The following HEATR4 variants were observed in gnomAD, a reference collection of about 807,000 sequenced individuals.
The protein encoded by HEATR4 is HEAT repeat containing 4.
HEATR4 carries 95 observed loss-of-function variants against 108.8 expected under a neutral mutation model. That is an observed-to-expected ratio of 0.87 (90% CI 0.74 to 1.04). The LOEUF (loss-of-function observed/expected upper bound fraction) is 1.04. Ranked by LOEUF, HEATR4 falls within the 50% of genes least tolerant of loss-of-function variation. The pLI, the probability that HEATR4 is intolerant of heterozygous loss-of-function variation, is 0.00. For missense variants in HEATR4, 1,152 were observed against 1,253.8 expected, an observed-to-expected ratio of 0.92 and a Z score of 1.23; for synonymous variants, 443 against 459.4, an observed-to-expected ratio of 0.96 and a Z score of 0.46.
At chr14:73,592,312 G>A in the HEATR4 span, 1 of 1,610,924 alleles carries the variant, frequency 6.2e-7, no homozygotes, top group Non-Finnish European at 8.5e-7. Context: ...GAGCCTGGAC[G>A]GCTGCTGTGC....
chr14:73,627,534 C>T, the HEATR4 span, among the ~76,000 whole-genome samples: 6 of 152,224 alleles, frequency 3.9e-5, no homozygotes, highest in East Asian at 1.9e-4. Flanking sequence ...CACTTACTTC[C>T]ACTTACTGGT....
At chr14:73,632,680 C>A in the HEATR4 span, among the ~76,000 whole-genome samples, 5 of 151,716 alleles carry the variant, frequency 3.3e-5, no homozygotes, top group African/African-American at 9.7e-5. Context: ...CCCATCTCTA[C>A]TAAAAATACA....
the HEATR4 span, chr14:73,617,216 T>C: frequency 1.2e-6 from 2 of 1,614,100 alleles, no homozygotes; most frequent in South Asian, 2.2e-5. Context: ...ATCACCTGAG[T>C]GCAGAAGAGA....
chr14:73,540,885 G>A (rs1217911563), intron 1 of HEATR4, among the ~76,000 whole-genome samples: 1 of 112,370 alleles, frequency 8.9e-6, no homozygotes, highest in African/African-American at 3.0e-5. Context: ...GGGATTACAG[G>A]TGGCCGCCAC....
rs755089726 is a variant in HEATR4 at position 73,492,857 on chromosome 14, G to T, written c.2844+209C>A. On this transcript the variant is annotated intron_variant, in intron 17 of 17. Coordinates refer to ENST00000553558, the MANE Select transcript of HEATR4 (RefSeq NM_001220484.1). This position sits in a 1 kb window ranked among gnomAD's most constrained non-coding sequence, Gnocchi z 4.9. ...TGTGAGAGTGGGGGACCTGCCCTGT[G>T]ACAGTGTGGAGGACCAGCTGTCCTT... 3.7e-6 allele frequency: 6 copies of T among 1,613,960 alleles called. No individual in the cohort carries two copies. The highest frequency in any genetic ancestry group is 5.1e-6 in the Non-Finnish European group (6 of 1,179,874).
At position 73,492,779 on chromosome 14, in the gene HEATR4, T is replaced by G; in HGVS notation, c.2844+287A>C. The G allele has an allele frequency of 1.2e-6, 2 of 1,613,936 alleles. No individual in the cohort carries two copies. The highest frequency in any genetic ancestry group is 1.7e-6 in the Non-Finnish European group (2 of 1,179,874). ...GGAAGAACCCAAGTGCTTGGAAATA[T>G]ACCCCCAGCAAGCTGATGCCATGGA... On this transcript the variant is annotated intron_variant, in intron 17 of 17. Transcript: ENST00000553558. This position sits in a 1 kb window ranked among gnomAD's most constrained non-coding sequence, Gnocchi z 4.9.
chr14:73,512,319 T>C (rs1211497926), intron 6 of HEATR4, among the ~76,000 whole-genome samples, 170 bp from the exon 7 acceptor site: 1 of 152,228 alleles, frequency 6.6e-6, no homozygotes, highest in African/African-American at 2.4e-5. Context: ...ATTTCTCTGA[T>C]GATCCATGTA....
the HEATR4 span, among the ~76,000 whole-genome samples, chr14:73,572,309 A>G: frequency 1.2e-3 from 182 of 151,730 alleles, no homozygotes; most frequent in Non-Finnish European, 2.0e-3. Flanking sequence ...CTACAGCTAC[A>G]AGAATCAACA....
At chr14:73,632,817 C>T in the HEATR4 span, among the ~76,000 whole-genome samples, 4 of 137,794 alleles carry the variant, frequency 2.9e-5, no homozygotes, top group African/African-American at 1.1e-4. Context: ...GCACTCCAGC[C>T]TGGGTGACAG....
Position 73,522,867 on chromosome 14 carries a change from G to T in HEATR4, c.286C>A (p.Leu96Ile), listed in dbSNP as rs750913778. 3 of 1,614,198 alleles carry T rather than the reference G, an allele frequency of 1.9e-6. No homozygotes were observed. The highest frequency in any genetic ancestry group is 2.5e-6 in the Non-Finnish European group (3 of 1,180,036). ...IPYSQYSFDHLYNTNDIIHTP... is the reference protein window; with the variant it reads ...IPYSQYSFDHIYNTNDIIHTP... ...TGGATGATGTCATTGGTATTGTAGA[G>T]GTGGTCAAAGCTGTACTGGCTATAA... Residue 96 changes from leucine to isoleucine, a missense_variant, in exon 3 of 18, where the codon CTC (leucine) becomes ATC (isoleucine). Physicochemically the swap from Leu to Ile is conservative, Grantham distance 5 (BLOSUM62 2). Transcript: ENST00000553558.
Position 73,530,923 on chromosome 14 carries a change from G to A in HEATR4, c.-151-679C>T, listed in dbSNP as rs1283136033. 2.0e-5 allele frequency: 2 copies of A among 100,506 alleles called. 1 individual carries two copies. The highest frequency in any genetic ancestry group is 1.7e-3 in the East Asian group (2 of 1,200). 6.2% of individuals were successfully genotyped at this position (100,506 alleles called of 1,614,324 possible). A position where few individuals can be genotyped will look rare whatever the true frequency, so the allele number is the denominator to read the frequency against. On this transcript the variant is annotated intron_variant, in intron 1 of 17. Coordinates refer to ENST00000553558, the MANE Select transcript of HEATR4 (RefSeq NM_001220484.1). ...CAAAATGCTAGGAATACAGGCATGAGCCACTGCACCAGGCCTAATGTCCTG... is the reference window on the plus strand; with the variant it reads ...CAAAATGCTAGGAATACAGGCATGAACCACTGCACCAGGCCTAATGTCCTG...
the HEATR4 span, chr14:73,569,914 C>T: frequency 2.5e-6 from 4 of 1,586,924 alleles, no homozygotes; most frequent in Non-Finnish European, 3.4e-6. Flanking sequence ...GTTCCGTGTT[C>T]GTTCGCCTTT....
rs747777053 is a variant in HEATR4, at chr14:73,500,699, G to A, written c.2137C>T (p.Arg713Cys). 8.7e-6 allele frequency: 14 copies of A among 1,613,824 alleles called. No individual in the cohort carries two copies. Among genetic ancestry groups the A allele is most frequent in the South Asian group, 2.2e-5 (2 of 91,076 alleles). ...VKLGQGNSQE[R>C]VEALYLIGEL... is the part of the protein sequence containing the mutation. ...CCTATCAGGTAGAGAGCTTCCACACGCTCCTGGGAATTTCCTTGACCTAGC... is the reference window on the plus strand; with the variant it reads ...CCTATCAGGTAGAGAGCTTCCACACACTCCTGGGAATTTCCTTGACCTAGC... The change falls in exon 12 of 18, where the codon CGT becomes TGT. Residue 713 changes from arginine to cysteine, a missense_variant. Arg to Cys is a radical substitution (Grantham distance 180, BLOSUM62 -3). Transcript: ENST00000553558.
At position 73,509,858 on chromosome 14, in the gene HEATR4, A is replaced by T. The variant is rs192663178; in HGVS notation, c.1559-385T>A. ...TATATATATATATATATATATATAT[A>T]TATATATATATTTATTTATTTTATA... On this transcript the variant is annotated intron_variant, in intron 7 of 17. Coordinates refer to ENST00000553558, the MANE Select transcript of HEATR4 (RefSeq NM_001220484.1). Among the ~76,000 whole-genome samples, 64 of 59,170 alleles carry T rather than the reference A, an allele frequency of 1.1e-3. 2 individuals carry two copies. The highest frequency in any genetic ancestry group is 4.5e-3 in the African/African-American group (55 of 12,278). 38.8% of individuals were successfully genotyped at this position (59,170 alleles called of 152,430 possible).
At chr14:73,620,812 C>T in the HEATR4 span, among the ~76,000 whole-genome samples, 4 of 151,584 alleles carry the variant, frequency 2.6e-5, no homozygotes, top group African/African-American at 4.8e-5. Context: ...AGGTGATCCA[C>T]CCACCTCAGC....
the HEATR4 span, among the ~76,000 whole-genome samples, chr14:73,566,496 G>A: frequency 6.6e-6 from 1 of 152,164 alleles, no homozygotes; most frequent in African/African-American, 2.4e-5. Context: ...GGCAGCTAAG[G>A]CCCAGCGAGA....
intron 1 of HEATR4, among the ~76,000 whole-genome samples, chr14:73,548,251 G>A (rs1199488232): frequency 8.6e-6 from 1 of 116,000 alleles, no homozygotes; most frequent in African/African-American, 2.8e-5. Flanking sequence ...GTGATAAAGA[G>A]AGTGAGTTTT....
intron 2 of HEATR4, among the ~76,000 whole-genome samples, chr14:73,524,293 CA>C (rs1160344592): frequency 0.034 from 1,928 of 56,560 alleles, 70 homozygotes; most frequent in East Asian, 0.19. Context: ...AACTCCGTCT[CA>C]AAAAAAAAAA....
In HEATR4 at chr14:73,492,110, C is replaced by G; in HGVS notation, c.2844+956G>C. The G allele has an allele frequency of 6.2e-7, 1 of 1,613,924 alleles. No homozygotes were observed. The highest frequency in any genetic ancestry group is 8.5e-7 in the Non-Finnish European group (1 of 1,179,822). ...CTGGCGTGTATACCGACCCCGAGTC[C>G]CAACCGAGGAACTGGCTCTGACATC... On this transcript the variant is annotated intron_variant, in intron 17 of 17. Coordinates refer to ENST00000553558, the MANE Select transcript of HEATR4 (RefSeq NM_001220484.1). This position sits in a 1 kb window ranked among gnomAD's most constrained non-coding sequence, Gnocchi z 4.9.
Sources: gnomAD v4.1 joint callset for allele counts (sites outside exome capture counted in the v4.1 genomes callset) on GRCh38, gnomAD v4.1.1 for gene constraint, Gnocchi (gnomAD v3.1) non-coding constraint, MANE v1.5 for transcripts, NCBI Gene and HGNC (gene_info 2026-07-23, HGNC 2026-07-21) for gene names.